The following AUH variants were observed in gnomAD, a reference collection of about 807,000 sequenced individuals.
AUH encodes the protein AU RNA binding methylglutaconyl-CoA hydratase, also known as methylglutaconyl-CoA hydratase, mitochondrial.
AUH carries 29 observed loss-of-function variants against 42.3 expected under a neutral mutation model. The ratio of observed to expected loss-of-function variants is 0.69; its 90% CI spans 0.51 to 0.93. The LOEUF (loss-of-function observed/expected upper bound fraction) is 0.93, where lower values mean the gene tolerates loss of function less well. Among genes scored for constraint, AUH ranks in the 40% least tolerant of loss-of-function variants. AUH has a pLI of 0.00. For synonymous variants in AUH, 174 were observed against 166.4 expected, an observed-to-expected ratio of 1.05 and a Z score of -0.35; for missense variants, 452 against 438.1, an observed-to-expected ratio of 1.03 and a Z score of -0.28.
intron 3 of AUH, among the ~76,000 whole-genome samples, chr9:91,353,016 G>A (rs1438530433): frequency 6.6e-6 from 1 of 151,956 alleles, no homozygotes; most frequent in Non-Finnish European, 1.5e-5. Flanking sequence ...AAAAGAAGAG[G>A]GAAAATGATG....
chr9:91,252,126 C>T (rs1423843414), intron 6 of AUH, among the ~76,000 whole-genome samples: 2 of 151,978 alleles, frequency 1.3e-5, no homozygotes, highest in Non-Finnish European at 2.9e-5. Flanking sequence ...GCCACCATGC[C>T]CAGCTAATTT....
At chr9:91,335,294 G>C (rs1042425269) in intron 3 of AUH, among the ~76,000 whole-genome samples, 4 of 151,796 alleles carry the variant, frequency 2.6e-5, no homozygotes, top group Non-Finnish European at 5.9e-5. Flanking sequence ...GTCAGTTTTG[G>C]TTAATTTTTA....
chr9:91,221,930 A>G (rs1235903321), intron 6 of AUH, among the ~76,000 whole-genome samples: 1 of 152,214 alleles, frequency 6.6e-6, no homozygotes, highest in East Asian at 1.9e-4. Flanking sequence ...GTCTACCAAG[A>G]AGAAATGAAA....
At chr9:91,323,613 C>T (rs1829753465) in intron 4 of AUH, among the ~76,000 whole-genome samples, 1 of 149,406 alleles carries the variant, frequency 6.7e-6, no homozygotes, top group Non-Finnish European at 1.5e-5. Context: ...TAGAGCGAGA[C>T]TCCGGCTCAA....
At chr9:91,360,793 A>G (rs10991904) in intron 1 of AUH, among the ~76,000 whole-genome samples, 10,703 of 152,280 alleles carry the variant, frequency 0.07, 666 homozygotes, top group East Asian at 0.26. Context: ...CTTCTGCTTA[A>G]CAGATTATAG....
rs771014667 is a variant in AUH, at chr9:91,277,200, T to C, written c.655+18821A>G. On this transcript the variant is annotated intron_variant, in intron 6 of 9. Coordinates refer to ENST00000375731, the MANE Select transcript of AUH (RefSeq NM_001698.3). ...TACCTTTTAAAATGTTAAGGGCTAATAATCTCATCTATAAAAATGGATGCA... is the reference window on the plus strand; with the variant it reads ...TACCTTTTAAAATGTTAAGGGCTAACAATCTCATCTATAAAAATGGATGCA... Among the ~76,000 whole-genome samples the C allele has an allele frequency of 8.7e-4, 133 of 152,324 alleles. 1 individual carries two copies. The highest frequency in any genetic ancestry group is 1.3e-3 in the Non-Finnish European group (86 of 68,020).
chr9:91,331,398 G>C (rs1042279024), intron 3 of AUH, among the ~76,000 whole-genome samples: 2 of 152,142 alleles, frequency 1.3e-5, no homozygotes, highest in Non-Finnish European at 2.9e-5. Context: ...AGTATAATAA[G>C]ATTCAATAAG....
chr9:91,222,567 G>GA (rs1394191688), intron 6 of AUH, among the ~76,000 whole-genome samples: 1 of 152,142 alleles, frequency 6.6e-6, no homozygotes, highest in African/African-American at 2.4e-5. Flanking sequence ...ATGAATTATT[G>GA]ACAAATTTAA....
At chr9:91,230,886 C>T (rs562137636) in intron 6 of AUH, among the ~76,000 whole-genome samples, 84 of 152,294 alleles carry the variant, frequency 5.5e-4, no homozygotes, top group African/African-American at 1.9e-3. Flanking sequence ...GGTCACGGAC[C>T]CACTTGAGGA....
chr9:91,281,448 T>C (rs1006456508), intron 6 of AUH, among the ~76,000 whole-genome samples: 2 of 152,190 alleles, frequency 1.3e-5, no homozygotes, highest in East Asian at 1.9e-4. Flanking sequence ...AGAACAGGCC[T>C]CTGGAAGGCA....
intron 6 of AUH, among the ~76,000 whole-genome samples, chr9:91,259,796 T>C (rs930954909): frequency 3.3e-5 from 5 of 152,150 alleles, no homozygotes; most frequent in African/African-American, 1.2e-4. Context: ...GAGAATATAT[T>C]CTTATGTCAG....
intron 3 of AUH, among the ~76,000 whole-genome samples, chr9:91,355,612 A>C (rs1476191305): frequency 6.6e-6 from 1 of 152,170 alleles, no homozygotes; most frequent in Admixed American, 6.6e-5. Flanking sequence ...AACAAACAAC[A>C]TTGTACTACA....
intron 9 of AUH, among the ~76,000 whole-genome samples, chr9:91,215,223 AT>A (rs916350659): frequency 7.1e-4 from 107 of 150,028 alleles, no homozygotes; most frequent in African/African-American, 2.2e-3. Flanking sequence ...AAGGGAAAAC[AT>A]TTTTTTTTTC....
At chr9:91,287,878 G>A (rs960133539) in intron 6 of AUH, among the ~76,000 whole-genome samples, 9 of 152,108 alleles carry the variant, frequency 5.9e-5, no homozygotes, top group East Asian at 5.8e-4. Flanking sequence ...CTTAGAAAAC[G>A]TATGCTGAAA....
chr9:91,333,145 C>T (rs1830452092), intron 3 of AUH, among the ~76,000 whole-genome samples: 1 of 152,206 alleles, frequency 6.6e-6, no homozygotes, highest in South Asian at 2.1e-4. Flanking sequence ...CCTGTCATGG[C>T]TGAGATTTTC....
At chr9:91,319,857 C>G (rs1052356334) in intron 4 of AUH, among the ~76,000 whole-genome samples, 3 of 152,198 alleles carry the variant, frequency 2.0e-5, no homozygotes, top group African/African-American at 7.2e-5. Flanking sequence ...AACGGTGCGC[C>G]TGATCTCTCA....
At chr9:91,328,703 C>T (rs1049466562) in intron 3 of AUH, among the ~76,000 whole-genome samples, 3 of 152,076 alleles carry the variant, frequency 2.0e-5, no homozygotes, top group Non-Finnish European at 2.9e-5. Flanking sequence ...AGGTGAAAAT[C>T]GTATACATTT....
In AUH at chr9:91,214,227, T is replaced by C; in HGVS notation, c.*121A>G. The C allele has an allele frequency of 2.5e-6, 2 of 812,520 alleles. No individual in the cohort carries two copies. Among genetic ancestry groups the C allele is most frequent in the Non-Finnish European group, 4.1e-6 (2 of 484,840 alleles). 50.3% of individuals were successfully genotyped at this position (812,520 alleles called of 1,614,324 possible). A position where few individuals can be genotyped will look rare whatever the true frequency, so the allele number is the denominator to read the frequency against. On this transcript the variant is annotated 3_prime_UTR_variant, in exon 10 of 10. Transcript: ENST00000375731. ...CATTCCAGATGCTTATTACACCGTATGAATAATCTGCTCTTCACTTTGGTC... is the reference window on the plus strand; with the variant it reads ...CATTCCAGATGCTTATTACACCGTACGAATAATCTGCTCTTCACTTTGGTC...
At position 91,356,031 on chromosome 9, in the gene AUH, T is replaced by C. The variant is rs115516099; in HGVS notation, c.330+57A>G. 5 of 1,593,578 alleles carry C rather than the reference T, an allele frequency of 3.1e-6. No individual in the cohort carries two copies. The African/African-American group carries it at 4.0e-5, about 13-fold the overall frequency. The stretch of plus-strand genomic sequence containing the variant: ...AAAAAAAAAACAAAACATTTTTACA[T>C]TGATGACAATAATATATCTTAATAT... On this transcript the variant is annotated intron_variant, in intron 2 of 9. Transcript: ENST00000375731.
Sources: allele counts gnomAD v4.1 joint callset (sites outside exome capture counted in the v4.1 genomes callset), GRCh38; gene constraint gnomAD v4.1.1; transcripts MANE v1.5; gene names NCBI Gene and HGNC (gene_info 2026-07-23, HGNC 2026-07-21).